Variants in SMAP2 observed in about 807,000 individuals in gnomAD.
The protein encoded by SMAP2 is stromal membrane-associated protein 2.
In SMAP2, 25 loss-of-function variants were observed where a neutral mutation model predicts 56.4. The observed-to-expected ratio is 0.44, with a 90% CI of 0.32 to 0.62. The LOEUF is 0.62. Among genes scored for constraint, SMAP2 ranks in the 20% least tolerant of loss-of-function variants. The pLI is 0.04. For missense variants in SMAP2, 388 were observed against 545.6 expected (o/e 0.71, Z 2.88); for synonymous variants, 157 against 181.7 (o/e 0.86, Z 1.09).
chr1:40,350,206 A>G (rs1429159658), intron 1 of SMAP2, among the ~76,000 whole-genome samples: 1 of 152,208 alleles, frequency 6.6e-6, no homozygotes, highest in African/African-American at 2.4e-5. Context: ...GTGAGCCAAC[A>G]GAGAGGCAGT....
At chr1:40,415,176 T>C in intron 6 of SMAP2, 96 bp from the exon 7 acceptor site, 2 of 896,700 alleles carry the variant, frequency 2.2e-6, no homozygotes, top group East Asian at 2.4e-5. Flanking sequence ...TCTAGGTCCA[T>C]GAGCTTATGG....
At position 40,416,845 on chromosome 1, in the gene SMAP2, C is replaced by T; in HGVS notation, c.913C>T (p.Pro305Ser). ...CTACCCCAGCTTCCCCGGGGTTACA[C>T]CTCCTAACAGCATAATGGGGAGCAT... ...TAYPSFPGVTPPNSIMGSMMP... is the reference protein window; with the variant it reads ...TAYPSFPGVTSPNSIMGSMMP... The change falls in exon 9 of 10, where the codon CCT (proline) becomes TCT (serine). Residue 305 changes from proline (P) to serine (S), a missense_variant. By Grantham distance (74) the Pro-to-Ser change is moderately conservative. Coordinates refer to ENST00000372718, the MANE Select transcript of SMAP2 (RefSeq NM_022733.3). 2 of 1,614,082 alleles carry T rather than the reference C, an allele frequency of 1.2e-6. No homozygotes were observed. Among genetic ancestry groups the T allele is most frequent in the Non-Finnish European group, 1.7e-6 (2 of 1,179,926 alleles).
At chr1:40,414,720 T>C (rs1644970834) in intron 6 of SMAP2, among the ~76,000 whole-genome samples, 1 of 152,166 alleles carries the variant, frequency 6.6e-6, no homozygotes, top group Non-Finnish European at 1.5e-5. Flanking sequence ...TGTACTCCAC[T>C]CCCTGCCCCC....
At chr1:40,400,129 G>A (rs2982507) in intron 1 of SMAP2, among the ~76,000 whole-genome samples, 15,269 of 152,224 alleles carry the variant, frequency 0.1, 832 homozygotes, top group Middle Eastern at 0.12. Context: ...GCATTTGGCA[G>A]TTAGGGAAAG....
intron 1 of SMAP2, among the ~76,000 whole-genome samples, chr1:40,359,226 C>T (rs1446964067): frequency 1.3e-5 from 2 of 152,172 alleles, no homozygotes; most frequent in Non-Finnish European, 2.9e-5. Flanking sequence ...CCTCAGCCTC[C>T]CAAGTAGCTG....
At chr1:40,398,732 G>A (rs1235753184) in intron 1 of SMAP2, among the ~76,000 whole-genome samples, 1 of 152,074 alleles carries the variant, frequency 6.6e-6, no homozygotes, top group African/African-American at 2.4e-5. Flanking sequence ...TCAAACTCCT[G>A]GGCTCAAGTG....
intron 9 of SMAP2, among the ~76,000 whole-genome samples, chr1:40,417,574 G>T (rs1017416784): frequency 6.6e-6 from 1 of 152,134 alleles, no homozygotes. Flanking sequence ...GAAGGAGAAG[G>T]ACCTACCCTC....
chr1:40,396,931 CT>C, intron 1 of SMAP2: 1 of 834,120 alleles, frequency 1.2e-6, no homozygotes, highest in Non-Finnish European at 1.4e-6. Context: ...AATACTGCTG[CT>C]TTTTTTACTT....
chr1:40,347,698 T>C (rs138197441), intron 1 of SMAP2, among the ~76,000 whole-genome samples: 1 of 152,316 alleles, frequency 6.6e-6, no homozygotes, highest in African/African-American at 2.4e-5. Flanking sequence ...TTCATTTTTT[T>C]GTTGGAGGGT....
chr1:40,414,190 G>A lies in SMAP2; in HGVS notation c.521G>A (p.Arg174Gln), dbSNP rs374827569. The change falls in exon 6 of 10, where the codon CGG becomes CAG. Residue 174 changes from arginine to glutamine, a missense_variant. Coordinates refer to ENST00000372718, the MANE Select transcript of SMAP2 (RefSeq NM_022733.3). ...PQKKEDPQLP[R>Q]KSSPKSTAPV... ...AAAAAAGAAGACCCACAGCTACCTC[G>A]GAAAAGCTCCCCGAAATCCACAGCG... The A allele has an allele frequency of 3.2e-5, 51 of 1,614,118 alleles. No homozygotes were observed. Among genetic ancestry groups the A allele is most frequent in the African/African-American group, 2.9e-4 (22 of 75,026 alleles).
chr1:40,414,611 G>A lies in SMAP2; in HGVS notation c.571+371G>A, dbSNP rs77391641. ...TGTTGGAAGGATTAAATGAGATAAT[G>A]CCTCTAAAGCTCTTAGCCCCATGCC... On this transcript the variant is annotated intron_variant, in intron 6 of 9. Transcript: ENST00000372718. 8.1e-3 allele frequency among the ~76,000 whole-genome samples: 1,227 copies of A among 152,260 alleles called. 12 individuals are homozygous for A. The highest frequency in any genetic ancestry group is 0.01 in the Non-Finnish European group (700 of 68,026).
chr1:40,384,764 C>G (rs1052607435), intron 1 of SMAP2, among the ~76,000 whole-genome samples: 6 of 152,104 alleles, frequency 3.9e-5, no homozygotes, highest in African/African-American at 1.4e-4. Flanking sequence ...GCAGGTGTTA[C>G]TATAATTCAC....
chr1:40,378,343 A>G (rs966516719), intron 1 of SMAP2, among the ~76,000 whole-genome samples: 5 of 152,140 alleles, frequency 3.3e-5, no homozygotes, highest in Non-Finnish European at 7.3e-5. Flanking sequence ...TGCAGAACCC[A>G]TTTCTAATGG....
At chr1:40,406,986 C>T in intron 2 of SMAP2, 117 bp downstream of exon 2, 1 of 1,050,398 alleles carries the variant, frequency 9.5e-7, no homozygotes, top group Non-Finnish European at 1.4e-6. Context: ...AGTTGTTAAA[C>T]ACTTAACATC....
At chr1:40,353,435 C>T (rs926832710) in intron 1 of SMAP2, among the ~76,000 whole-genome samples, 2 of 152,186 alleles carry the variant, frequency 1.3e-5, no homozygotes, top group African/African-American at 4.8e-5. Flanking sequence ...ATGGCATGAT[C>T]TCAGCTCACA....
upstream of SMAP2, among the ~76,000 whole-genome samples, chr1:40,372,605 G>A (rs1242108941): frequency 6.6e-6 from 1 of 152,214 alleles, no homozygotes; most frequent in Non-Finnish European, 1.5e-5. Context: ...AAATTTAATT[G>A]TTGTGATTAA....
chr1:40,418,654 C>T (rs147249403), intron 9 of SMAP2, among the ~76,000 whole-genome samples: 7 of 152,244 alleles, frequency 4.6e-5, no homozygotes, highest in Admixed American at 1.3e-4. Context: ...TCCATACCTC[C>T]TACCCACAAA....
Position 40,412,815 on chromosome 1 carries a change from C to T in SMAP2, c.403-201C>T, listed in dbSNP as rs899496571. Among the ~76,000 whole-genome samples, 19 of 152,288 alleles carry T rather than the reference C, an allele frequency of 1.2e-4. 1 individual carries two copies. The highest frequency in any genetic ancestry group is 6.2e-4 in the South Asian group (3 of 4,822). ...GCGGGCGCCTAAGGTGTTTGGAAGA[C>T]GCCTCGTACAGCATTGAGGCCAATG... On this transcript the variant is annotated intron_variant, in intron 4 of 9. Transcript: ENST00000372718.
chr1:40,420,929 T>A (rs1383948656), intron 9 of SMAP2, among the ~76,000 whole-genome samples: 1 of 152,152 alleles, frequency 6.6e-6, no homozygotes, highest in Non-Finnish European at 1.5e-5. Context: ...TAGAATATGG[T>A]GTTAATGTTA....
Sources: allele counts gnomAD v4.1 joint callset (sites outside exome capture counted in the v4.1 genomes callset), GRCh38; gene constraint gnomAD v4.1.1; transcripts MANE v1.5; gene names NCBI Gene and HGNC (gene_info 2026-07-23, HGNC 2026-07-21).